Variants in RAPGEF5 observed in about 807,000 individuals in gnomAD.
RAPGEF5 encodes M-Ras-regulated GEF.
Under a neutral mutation model 125.2 loss-of-function variants are expected in RAPGEF5, and 65 were observed. That is an observed-to-expected ratio of 0.52 (90% confidence interval 0.43 to 0.64). RAPGEF5 has a LOEUF of 0.64. Among genes scored for constraint, RAPGEF5 ranks in the 30% least tolerant of loss-of-function variants. The pLI is 0.00. For missense variants in RAPGEF5, 958 were observed against 1,048.1 expected (o/e 0.91, Z 1.19); for synonymous variants, 391 against 385.9 (o/e 1.01, Z -0.16).
intron 5 of RAPGEF5, among the ~76,000 whole-genome samples, chr7:22,302,053 A>G (rs973788188): frequency 8.5e-5 from 13 of 152,232 alleles, no homozygotes; most frequent in Non-Finnish European, 1.8e-4. Context: ...CTGGTAAGTA[A>G]GTCGCTCCAC....
intron 7 of RAPGEF5, among the ~76,000 whole-genome samples, chr7:22,244,633 A>T (rs1786429660): frequency 6.6e-6 from 1 of 152,130 alleles, no homozygotes; most frequent in Non-Finnish European, 1.5e-5. Context: ...TAATTATTTC[A>T]TTATATATTA....
chr7:22,219,039 G>C (rs1015636629), intron 9 of RAPGEF5, among the ~76,000 whole-genome samples: 8 of 152,140 alleles, frequency 5.3e-5, no homozygotes, highest in African/African-American at 1.7e-4. Flanking sequence ...CCCTTGGAAA[G>C]GGTTGAAAAC....
intron 9 of RAPGEF5, among the ~76,000 whole-genome samples, chr7:22,197,897 G>GAT (rs1554327492): frequency 6.8e-6 from 1 of 145,990 alleles, no homozygotes; most frequent in Non-Finnish European, 1.5e-5. Flanking sequence ...TTTTTTTGGG[G>GAT]GGGGGTGGTA....
intron 9 of RAPGEF5, among the ~76,000 whole-genome samples, chr7:22,211,814 C>T (rs538748060): frequency 1.3e-5 from 2 of 152,256 alleles, no homozygotes; most frequent in East Asian, 3.9e-4. Context: ...GATAAACCCA[C>T]AGGTCCTGCA....
intron 20 of RAPGEF5, among the ~76,000 whole-genome samples, chr7:22,142,750 T>C (rs1189965821): frequency 6.6e-6 from 1 of 152,150 alleles, no homozygotes; most frequent in Non-Finnish European, 1.5e-5. Context: ...TGTGAGGAAA[T>C]AAAATCCACT....
chr7:22,292,866 GATTCTCTC>G (rs1464201251), intron 5 of RAPGEF5, among the ~76,000 whole-genome samples: 1 of 152,218 alleles, frequency 6.6e-6, no homozygotes, highest in African/African-American at 2.4e-5. Flanking sequence ...CACTAGCACA[GATTCTCTC>G]ATAAATCTGT....
chr7:22,216,699 A>G (rs1224529981), intron 9 of RAPGEF5, among the ~76,000 whole-genome samples: 1 of 152,206 alleles, frequency 6.6e-6, no homozygotes, highest in East Asian at 1.9e-4. Context: ...AAGTCCTCCC[A>G]TAATAATTTT....
chr7:22,355,987 C>G (rs1784413160), intron 1 of RAPGEF5: 1 of 985,234 alleles, frequency 1.0e-6, no homozygotes, highest in South Asian at 4.7e-5. Flanking sequence ...CCAAAGGTGC[C>G]GCCAAACCCT....
intron 13 of RAPGEF5, among the ~76,000 whole-genome samples, chr7:22,161,124 G>C (rs1348679334): frequency 1.3e-5 from 2 of 152,160 alleles, no homozygotes; most frequent in African/African-American, 2.4e-5. Flanking sequence ...CAGGAGAATG[G>C]CGTGAACCCA....
At chr7:22,142,515 G>GA (rs1783296334) in intron 20 of RAPGEF5, among the ~76,000 whole-genome samples, 1 of 151,272 alleles carries the variant, frequency 6.6e-6, no homozygotes, top group Non-Finnish European at 1.5e-5. Context: ...ATATTTTAAG[G>GA]AAAAAAACCC....
At chr7:22,217,364 G>T (rs1336160943) in intron 9 of RAPGEF5, among the ~76,000 whole-genome samples, 1 of 152,160 alleles carries the variant, frequency 6.6e-6, no homozygotes, top group East Asian at 1.9e-4. Flanking sequence ...CTACTGTAAA[G>T]AAAGTGAGGA....
At chr7:22,280,711 A>G (rs1424034536) in intron 6 of RAPGEF5, among the ~76,000 whole-genome samples, 1 of 152,226 alleles carries the variant, frequency 6.6e-6, no homozygotes, top group African/African-American at 2.4e-5. Flanking sequence ...CTGGAAACAT[A>G]TAGGTACAAA....
intron 8 of RAPGEF5, 79 bp from the exon 9 acceptor site, chr7:22,220,070 T>C (rs1338657736): frequency 3.3e-6 from 5 of 1,511,992 alleles, no homozygotes; most frequent in African/African-American, 2.8e-5. Context: ...GTTCACCTTA[T>C]AATAAGCTCA....
chr7:22,204,655 T>C (rs1461611044), intron 9 of RAPGEF5, among the ~76,000 whole-genome samples: 4 of 152,222 alleles, frequency 2.6e-5, no homozygotes, highest in Admixed American at 6.5e-5. Flanking sequence ...TGTACATTCC[T>C]TGGTGTTTTT....
At chr7:22,318,843 G>A (rs913752858) in intron 1 of RAPGEF5, among the ~76,000 whole-genome samples, 1 of 152,092 alleles carries the variant, frequency 6.6e-6, no homozygotes, top group African/African-American at 2.4e-5. Flanking sequence ...GCAGCACCTG[G>A]GTGCTCAGCA....
At chr7:22,128,963 T>G (rs1782832295) in intron 24 of RAPGEF5, among the ~76,000 whole-genome samples, 1 of 152,192 alleles carries the variant, frequency 6.6e-6, no homozygotes, top group Admixed American at 6.5e-5. Context: ...CTAATAGAAG[T>G]CATATCATTT....
At chr7:22,144,816 G>C (rs1282988808) in intron 20 of RAPGEF5, among the ~76,000 whole-genome samples, 1 of 152,216 alleles carries the variant, frequency 6.6e-6, no homozygotes, top group Admixed American at 6.5e-5. Flanking sequence ...TGCTGAGGCA[G>C]AGAGCACAGT....
chr7:22,131,167 G>A, intron 23 of RAPGEF5, 66 bp from the exon 24 acceptor site: 2 of 1,444,392 alleles, frequency 1.4e-6, no homozygotes, highest in East Asian at 2.6e-5. Flanking sequence ...GGCTGAAGAG[G>A]TCTAGGTACA....
At chr7:22,298,393 GGTCTC>G (rs1398734411) in intron 5 of RAPGEF5, among the ~76,000 whole-genome samples, 2 of 151,936 alleles carry the variant, frequency 1.3e-5, no homozygotes, top group African/African-American at 4.8e-5. Flanking sequence ...TGGTCAGGCT[GGTCTC>G]AAACTTCTGT....
Sources: allele counts gnomAD v4.1 joint callset (sites outside exome capture counted in the v4.1 genomes callset), GRCh38; gene constraint gnomAD v4.1.1; transcripts MANE v1.5; gene names NCBI Gene and HGNC (gene_info 2026-07-23, HGNC 2026-07-21).